CDH12: variants seen among roughly 807,000 people sequenced by gnomAD.
CDH12 encodes the protein cadherin 12.
Under a neutral mutation model 74.1 loss-of-function variants are expected in CDH12, and 41 were observed. The ratio of observed to expected loss-of-function variants is 0.55; its 90% CI spans 0.43 to 0.72. The LOEUF is 0.72. Among genes scored for constraint, CDH12 ranks in the 30% least tolerant of loss-of-function variants. CDH12 has a pLI of 0.00. For synonymous variants in CDH12, 399 were observed against 355.0 expected (o/e 1.12, Z -1.39); for missense variants, 945 against 977.2 (o/e 0.97, Z 0.44).
At chr5:22,437,894 T>C (rs1043596068) in intron 2 of CDH12, among the ~76,000 whole-genome samples, 1 of 152,114 alleles carries the variant, frequency 6.6e-6, no homozygotes, top group African/African-American at 2.4e-5. Flanking sequence ...TTTATCTTTG[T>C]TAAACATAGC....
At chr5:22,123,159 G>A (rs551302829) in intron 4 of CDH12, among the ~76,000 whole-genome samples, 3 of 152,160 alleles carry the variant, frequency 2.0e-5, no homozygotes, top group Non-Finnish European at 4.4e-5. Context: ...GTAGGTATAG[G>A]TCAATGAATA....
At chr5:22,458,100 G>C (rs576495493) in intron 2 of CDH12, among the ~76,000 whole-genome samples, 8 of 152,034 alleles carry the variant, frequency 5.3e-5, no homozygotes, top group Admixed American at 4.6e-4. Context: ...GTCTGGTCTC[G>C]AACTGCTGAC....
At chr5:21,961,558 G>A (rs150037938) in intron 6 of CDH12, among the ~76,000 whole-genome samples, 2,013 of 152,186 alleles carry the variant, frequency 0.013, 14 homozygotes, top group African/African-American at 0.024. Flanking sequence ...TTTAAAGATA[G>A]GATCTTTATA....
At chr5:22,538,894 G>C (rs763914037) in intron 1 of CDH12, among the ~76,000 whole-genome samples, 5 of 152,076 alleles carry the variant, frequency 3.3e-5, no homozygotes, top group African/African-American at 1.2e-4. Flanking sequence ...TAGTTTGTTT[G>C]TTTACTTAAT....
intron 3 of CDH12, among the ~76,000 whole-genome samples, chr5:22,266,038 ATTATTTATTTATTTATTTATTTAT>A (rs143229137): frequency 7.1e-6 from 1 of 140,950 alleles, no homozygotes; most frequent in Non-Finnish European, 1.5e-5. Flanking sequence ...AGCTTTGTTG[ATTATTTATTTATTTATTTATTTAT>A]TTATTTATTT....
intron 1 of CDH12, among the ~76,000 whole-genome samples, chr5:22,542,592 A>G (rs1013018617): frequency 6.6e-5 from 10 of 152,130 alleles, no homozygotes; most frequent in Admixed American, 3.9e-4. Context: ...CTTTGACTTA[A>G]TTACACTGAC....
intron 7 of CDH12, among the ~76,000 whole-genome samples, chr5:21,842,980 T>G (rs2149987397): frequency 6.6e-6 from 1 of 152,318 alleles, no homozygotes; most frequent in Admixed American, 6.5e-5. Flanking sequence ...AATAAATCTC[T>G]AAATAATTAA....
intron 4 of CDH12, among the ~76,000 whole-genome samples, chr5:22,101,523 C>T (rs1458342028): frequency 1.3e-5 from 2 of 152,088 alleles, no homozygotes; most frequent in African/African-American, 2.4e-5. Flanking sequence ...AAGTGTATTG[C>T]TTCCAGAGTT....
rs181208048 is a variant in CDH12 at position 22,535,289 on chromosome 5, G to A, written c.-522-29925C>T. On this transcript the variant is annotated intron_variant, in intron 1 of 14. Coordinates refer to ENST00000382254, the MANE Select transcript of CDH12 (RefSeq NM_004061.5). The stretch of plus-strand genomic sequence containing the variant: ...CCTACTTCAGCCTCCCGAGTAGCTG[G>A]GACTACAGGCGCCCGCTACCACGCC... Among the ~76,000 whole-genome samples, 362 of 151,808 alleles carry A rather than the reference G, an allele frequency of 2.4e-3. 3 individuals are homozygous for A. Among genetic ancestry groups the A allele is most frequent in the African/African-American group, 8.5e-3 (351 of 41,402 alleles).
chr5:22,594,332 T>G (rs189603254), intron 1 of CDH12, among the ~76,000 whole-genome samples: 46 of 152,286 alleles, frequency 3.0e-4, no homozygotes, highest in East Asian at 2.9e-3. Context: ...AACCCCCTTG[T>G]GTTCTCCATT....
chr5:22,243,968 A>C (rs780552286), intron 3 of CDH12, among the ~76,000 whole-genome samples: 1 of 152,344 alleles, frequency 6.6e-6, no homozygotes, highest in Non-Finnish European at 1.5e-5. Context: ...TTATTTTAAA[A>C]GGGATAAATT....
chr5:21,891,572 T>TACATACACACACAC (rs1554041529), intron 6 of CDH12, among the ~76,000 whole-genome samples: 1 of 144,954 alleles, frequency 6.9e-6, no homozygotes, highest in Non-Finnish European at 1.5e-5. Context: ...CACACACACA[T>TACATACACACACAC]ACACACACAC....
chr5:22,585,758 G>A (rs938978925), intron 1 of CDH12, among the ~76,000 whole-genome samples: 2 of 151,792 alleles, frequency 1.3e-5, no homozygotes, highest in African/African-American at 4.8e-5. Flanking sequence ...TTTCAGAGCT[G>A]CTTTTTTACT....
chr5:22,022,784 T>C (rs551794437), intron 5 of CDH12, among the ~76,000 whole-genome samples: 1 of 152,154 alleles, frequency 6.6e-6, no homozygotes, highest in Non-Finnish European at 1.5e-5. Flanking sequence ...ACCTGTGACT[T>C]TTCTCTTCTT....
At chr5:22,744,303 C>A (rs1010057829) in intron 1 of CDH12, among the ~76,000 whole-genome samples, 1 of 151,984 alleles carries the variant, frequency 6.6e-6, no homozygotes, top group Non-Finnish European at 1.5e-5. Flanking sequence ...GTGGCGGGAA[C>A]CTGTAGTCCC....
intron 1 of CDH12, among the ~76,000 whole-genome samples, chr5:22,572,969 CTGAAA>C (rs1303097887): frequency 1.3e-5 from 2 of 152,114 alleles, no homozygotes; most frequent in Admixed American, 1.3e-4. Context: ...GTTTGGGAAA[CTGAAA>C]TGCTTTGTAT....
chr5:22,622,204 T>C (rs1170398089), intron 1 of CDH12, among the ~76,000 whole-genome samples: 3 of 152,084 alleles, frequency 2.0e-5, no homozygotes, highest in Non-Finnish European at 2.9e-5. Context: ...ATAAATAAGC[T>C]GTTATAAATA....
At chr5:22,549,893 C>A (rs1738495884) in intron 1 of CDH12, among the ~76,000 whole-genome samples, 1 of 152,182 alleles carries the variant, frequency 6.6e-6, no homozygotes, top group Non-Finnish European at 1.5e-5. Context: ...TACAGCAAAA[C>A]TCGTGACAGC....
chr5:21,840,467 G>T (rs1409264682), intron 8 of CDH12, among the ~76,000 whole-genome samples: 1 of 151,020 alleles, frequency 6.6e-6, no homozygotes, highest in Non-Finnish European at 1.5e-5. Flanking sequence ...TCCCCATCAA[G>T]CTACCAATGA....
Sources: gnomAD v4.1 joint callset for allele counts (sites outside exome capture counted in the v4.1 genomes callset) on GRCh38, gnomAD v4.1.1 for gene constraint, MANE v1.5 for transcripts, NCBI Gene and HGNC (gene_info 2026-07-23, HGNC 2026-07-21) for gene names.